ESF1: variants seen among roughly 807,000 people sequenced by gnomAD.
ESF1 encodes ESF1 homolog.
ESF1 carries 58 observed loss-of-function variants against 92.0 expected under a neutral mutation model. The observed-to-expected ratio is 0.63, with a 90% confidence interval of 0.51 to 0.78. The LOEUF (loss-of-function observed/expected upper bound fraction) is 0.78. Among genes scored for constraint, ESF1 ranks in the 30% least tolerant of loss-of-function variants. The pLI, the probability that ESF1 is intolerant of heterozygous loss-of-function variation, is 0.00. For synonymous variants in ESF1, 321 were observed against 313.7 expected, an observed-to-expected ratio of 1.02 and a Z score of -0.24; for missense variants, 922 against 989.1, an observed-to-expected ratio of 0.93 and a Z score of 0.91.
chr20:13,775,803 A>G, intron 3 of ESF1, 70 bp downstream of exon 3: 1 of 1,503,196 alleles, frequency 6.7e-7, no homozygotes, highest in Non-Finnish European at 8.9e-7. Flanking sequence ...TAATGACATC[A>G]GTTCTACCAG....
intron 8 of ESF1, 119 bp from the exon 9 acceptor site, chr20:13,759,972 T>G: frequency 7.2e-7 from 1 of 1,395,512 alleles, no homozygotes; most frequent in East Asian, 2.8e-5. Flanking sequence ...AAAATCAGAC[T>G]TAAATTTCTG....
intron 11 of ESF1, among the ~76,000 whole-genome samples, chr20:13,723,277 C>T (rs2049880203): frequency 6.6e-6 from 1 of 152,056 alleles, no homozygotes; most frequent in Non-Finnish European, 1.5e-5. Flanking sequence ...GTACCAAGTT[C>T]CTGCATCACT....
At position 13,782,564 on chromosome 20, in the gene ESF1, A is replaced by G; in HGVS notation, c.577T>C (p.Ser193Pro). 1 of 1,573,822 alleles carries G rather than the reference A, an allele frequency of 6.4e-7. No homozygotes were observed. The highest frequency in any genetic ancestry group is 8.6e-7 in the Non-Finnish European group (1 of 1,168,952). Residue 193 changes from serine to proline, a missense_variant, in exon 2 of 14, where the codon TCT becomes CCT. Transcript: ENST00000617257. ...EKQRTLDSGT[S>P]EIVKSPRIEC... The stretch of plus-strand genomic sequence containing the variant: ...ATTCTGGGAGATTTCACAATTTCAG[A>G]GGTGCCTGAGTCTAATGTCCTTTGT...
chr20:13,722,989 C>T (rs2049878178), intron 11 of ESF1, among the ~76,000 whole-genome samples: 1 of 152,228 alleles, frequency 6.6e-6, no homozygotes, highest in Non-Finnish European at 1.5e-5. Context: ...ATAAATCTAA[C>T]CAATCCTTAC....
At chr20:13,779,782 G>A (rs1398997242) in intron 2 of ESF1, among the ~76,000 whole-genome samples, 2 of 152,108 alleles carry the variant, frequency 1.3e-5, no homozygotes, top group Non-Finnish European at 1.5e-5. Context: ...CAATCCACCC[G>A]CCTCGGTCTC....
chr20:13,730,987 T>C (rs886476302), intron 10 of ESF1, among the ~76,000 whole-genome samples: 3 of 151,602 alleles, frequency 2.0e-5, no homozygotes, highest in Admixed American at 6.6e-5. Context: ...ACCTGTGGAG[T>C]TGGAAAGGAT....
At chr20:13,772,655 C>G (rs1268645244) in intron 4 of ESF1, 40 bp from the exon 5 acceptor site, 1 of 1,386,682 alleles carries the variant, frequency 7.2e-7, no homozygotes, top group Non-Finnish European at 1.0e-6. Context: ...TTTGTACATT[C>G]CTTTACACAA....
At chr20:13,784,283 A>AAC (rs1555828464) in intron 1 of ESF1, among the ~76,000 whole-genome samples, 2 of 65,002 alleles carry the variant, frequency 3.1e-5, no homozygotes, top group Non-Finnish European at 4.8e-5. Flanking sequence ...ATTATTAAGC[A>AAC]ACCCCCCCCC....
chr20:13,749,882 T>G (rs1422271351), intron 9 of ESF1, among the ~76,000 whole-genome samples: 1 of 152,092 alleles, frequency 6.6e-6, no homozygotes, highest in Non-Finnish European at 1.5e-5. Flanking sequence ...TATCTTTTGA[T>G]AGCTCATTTG....
At chr20:13,771,599 C>G in intron 5 of ESF1, 116 bp from the exon 6 acceptor site, 1 of 764,764 alleles carries the variant, frequency 1.3e-6, no homozygotes, top group Non-Finnish European at 2.1e-6. Context: ...TCATACCAAA[C>G]CATCTTTCCT....
Position 13,766,941 on chromosome 20 carries a change from A to G in ESF1, c.1519-17T>C, listed in dbSNP as rs1451561181. On this transcript the variant is annotated splice_polypyrimidine_tract_variant and intron_variant, in intron 7 of 13. Coordinates refer to ENST00000617257, the MANE Select transcript of ESF1 (RefSeq NM_001276380.2). ...GATTTCCACCTTTCACCAACAAATA[A>G]GAAAAAATAACACACGAAAATGGAA... 4.4e-6 allele frequency: 7 copies of G among 1,604,962 alleles called. No homozygotes were observed. The South Asian group carries it at 6.7e-5, about 15-fold the overall frequency.
rs1240549728 is a variant in ESF1, at chr20:13,715,062, G to A, written c.2368C>T (p.Leu790Phe). Residue 790 changes from leucine to phenylalanine, a missense_variant, in exon 14 of 14, where the codon CTT becomes TTT. Physicochemically the swap from Leu to Phe is conservative, Grantham distance 22. Coordinates refer to ENST00000617257, the MANE Select transcript of ESF1 (RefSeq NM_001276380.2). ...TCTCTTTGCCGGGCCTTCTCCTCAA[G>A]GATTTTTTCCATAGCTTTTGTTTTC... The part of the protein sequence containing the change: ...FKKTKAMEKI[L>F]EEKARQRERK... The A allele has an allele frequency of 1.1e-5, 18 of 1,613,598 alleles. No homozygotes were observed. Among genetic ancestry groups the A allele is most frequent in the Non-Finnish European group, 1.5e-5 (18 of 1,179,974 alleles).
intron 9 of ESF1, among the ~76,000 whole-genome samples, chr20:13,754,727 T>C (rs1046797172): frequency 1.3e-4 from 20 of 152,214 alleles, no homozygotes; most frequent in Non-Finnish European, 1.5e-5. Flanking sequence ...AGAATGATCC[T>C]GTTAAATATA....
Position 13,714,907 on chromosome 20 carries a change from C to T in ESF1, c.2523G>A (p.Gln841=). The T allele has an allele frequency of 6.2e-7, 1 of 1,607,862 alleles. No homozygotes were observed. The highest frequency in any genetic ancestry group is 1.3e-5 in the African/African-American group (1 of 74,566). Residue 841 remains glutamine (Q), a synonymous_variant, in exon 14 of 14, where the codon CAG becomes CAA. Transcript: ENST00000617257. ...CTTTTTGCTTTTTTCTTGCTTGAAA[C>T]TGCTCTGTTTTGGTTTTTATAGATT... ...LIKSIKTKTE[Q]FQARKKQKVK
At chr20:13,767,737 G>T (rs1979493901) in intron 7 of ESF1, among the ~76,000 whole-genome samples, 1 of 152,138 alleles carries the variant, frequency 6.6e-6, no homozygotes, top group Non-Finnish European at 1.5e-5. Flanking sequence ...CATGATACAT[G>T]AATTCATCTA....
intron 11 of ESF1, among the ~76,000 whole-genome samples, chr20:13,722,880 T>C (rs1212202007): frequency 6.6e-6 from 1 of 151,834 alleles, no homozygotes; most frequent in Non-Finnish European, 1.5e-5. Context: ...AAAAAGAAAC[T>C]ACATCTCCTG....
At chr20:13,734,351 C>A (rs2049962750) in intron 9 of ESF1, among the ~76,000 whole-genome samples, 1 of 152,174 alleles carries the variant, frequency 6.6e-6, no homozygotes, top group African/African-American at 2.4e-5. Context: ...AGTAAGGAAT[C>A]CCTGTTGAAA....
At chr20:13,749,819 G>A (rs1321128323) in intron 9 of ESF1, among the ~76,000 whole-genome samples, 4 of 151,886 alleles carry the variant, frequency 2.6e-5, no homozygotes, top group Admixed American at 6.6e-5. Flanking sequence ...TGCCCACCTT[G>A]TCCTCCCAAA....
Position 13,715,063 on chromosome 20 carries a change from G to A in ESF1, c.2367C>T (p.Ile789=). The change falls in exon 14 of 14, where the codon ATC becomes ATT. Residue 789 remains isoleucine, a synonymous_variant. Transcript: ENST00000617257. ...NFKKTKAMEK[I]LEEKARQRER... is the part of the protein sequence containing the mutation. ...CTCTTTGCCGGGCCTTCTCCTCAAGGATTTTTTCCATAGCTTTTGTTTTCT... is the reference window on the plus strand; with the variant it reads ...CTCTTTGCCGGGCCTTCTCCTCAAGAATTTTTTCCATAGCTTTTGTTTTCT... The A allele has an allele frequency of 6.2e-7, 1 of 1,613,658 alleles. No homozygotes were observed. Among genetic ancestry groups the A allele is most frequent in the Non-Finnish European group, 8.5e-7 (1 of 1,179,962 alleles).
Sources: allele counts gnomAD v4.1 joint callset (sites outside exome capture counted in the v4.1 genomes callset), GRCh38; gene constraint gnomAD v4.1.1; transcripts MANE v1.5; gene names NCBI Gene and HGNC (gene_info 2026-07-23, HGNC 2026-07-21).